Variants in DOK6 observed in about 807,000 individuals in gnomAD.
DOK6 encodes downstream of tyrosine kinase 6.
DOK6 carries 22 observed loss-of-function variants against 44.0 expected under a neutral mutation model. The observed-to-expected ratio is 0.50, with a 90% CI of 0.36 to 0.71. The LOEUF (loss-of-function observed/expected upper bound fraction) is 0.71. Ranked by LOEUF, DOK6 falls within the 30% of genes least tolerant of loss-of-function variation. The probability of loss-of-function intolerance (pLI) is 0.00; values close to 1 mark genes in which losing one functional copy is unlikely to be tolerated. For synonymous variants in DOK6, 166 were observed against 145.5 expected (o/e 1.14, Z -1.01); for missense variants, 340 against 416.4 (o/e 0.82, Z 1.60).
chr18:69,632,729 CAT>C (rs1446298045), intron 3 of DOK6, among the ~76,000 whole-genome samples: 1 of 152,158 alleles, frequency 6.6e-6, no homozygotes, highest in Admixed American at 6.5e-5. Flanking sequence ...TGTTCAAAAA[CAT>C]ATATTGATTT....
At chr18:69,479,291 G>T (rs1330228586) in intron 1 of DOK6, among the ~76,000 whole-genome samples, 1 of 152,042 alleles carries the variant, frequency 6.6e-6, no homozygotes, top group Non-Finnish European at 1.5e-5. Flanking sequence ...TCAAGGAAGG[G>T]TTCTTAGGTG....
intron 1 of DOK6, among the ~76,000 whole-genome samples, chr18:69,405,738 C>G (rs577392105): frequency 7.9e-5 from 12 of 152,276 alleles, no homozygotes; most frequent in African/African-American, 2.4e-4. Context: ...TTATATCTTG[C>G]ATGGCATGCA....
intron 1 of DOK6, among the ~76,000 whole-genome samples, chr18:69,505,483 C>T (rs1391860424): frequency 1.4e-5 from 2 of 145,448 alleles, no homozygotes; most frequent in East Asian, 2.1e-4. Context: ...TCCTGTCATA[C>T]TCCCATTCTT....
At chr18:69,506,937 A>G (rs1981206480) in intron 1 of DOK6, among the ~76,000 whole-genome samples, 1 of 151,958 alleles carries the variant, frequency 6.6e-6, no homozygotes, top group Non-Finnish European at 1.5e-5. Flanking sequence ...TTAAATATAT[A>G]TATTTTTGGA....
intron 5 of DOK6, among the ~76,000 whole-genome samples, chr18:69,723,802 G>A (rs1184814726): frequency 6.6e-6 from 1 of 152,102 alleles, no homozygotes; most frequent in Non-Finnish European, 1.5e-5. Flanking sequence ...TTTAGAGATG[G>A]GCAGCCACAG....
intron 1 of DOK6, among the ~76,000 whole-genome samples, chr18:69,555,160 C>G (rs1424412395): frequency 6.6e-6 from 1 of 151,952 alleles, no homozygotes; most frequent in Non-Finnish European, 1.5e-5. Flanking sequence ...TGTTTTGTGT[C>G]TTATTTTTCT....
rs71176987 is a variant in DOK6, at chr18:69,605,076, T to TTGTGTGTGTGTGTG, written c.289+5616_289+5629dup. The stretch of plus-strand genomic sequence containing the variant: ...GAGACCCCTGTTAGGAGAGATCCCT[T>TTGTGTGTGTGTGTG]TGTGTGTGTGTGTGTGTGTGTGTGT... On this transcript the variant is annotated intron_variant, in intron 3 of 7. Transcript: ENST00000382713. 1.6e-3 allele frequency among the ~76,000 whole-genome samples: 199 copies of TTGTGTGTGTGTGTG among 125,852 alleles called. 2 individuals carry two copies. Among genetic ancestry groups the TTGTGTGTGTGTGTG allele is most frequent in the African/African-American group, 4.4e-3 (147 of 33,320 alleles). 82.6% of individuals were successfully genotyped at this position (125,852 alleles called of 152,430 possible).
intron 7 of DOK6, among the ~76,000 whole-genome samples, chr18:69,821,139 A>G (rs868865927): frequency 6.6e-6 from 1 of 152,192 alleles, no homozygotes; most frequent in Non-Finnish European, 1.5e-5. Context: ...CATGCTATGA[A>G]AATTGTATAT....
intron 3 of DOK6, among the ~76,000 whole-genome samples, chr18:69,638,921 T>C (rs1353837143): frequency 6.6e-6 from 1 of 152,230 alleles, no homozygotes; most frequent in Non-Finnish European, 1.5e-5. Flanking sequence ...AATATTAACA[T>C]GATGTTGTAC....
At chr18:69,557,318 C>T (rs1011138569) in intron 1 of DOK6, among the ~76,000 whole-genome samples, 2 of 152,226 alleles carry the variant, frequency 1.3e-5, no homozygotes, top group Middle Eastern at 3.4e-3. Flanking sequence ...ATAAAACAGG[C>T]CCATTAAATC....
chr18:69,765,438 G>T (rs943527270), intron 7 of DOK6, among the ~76,000 whole-genome samples: 2 of 152,144 alleles, frequency 1.3e-5, no homozygotes, highest in African/African-American at 4.8e-5. Flanking sequence ...AATTTTTAGA[G>T]ATAAATGAAT....
chr18:69,657,209 G>A lies in DOK6; in HGVS notation c.290-20525G>A, dbSNP rs73973528. Among the ~76,000 whole-genome samples, 698 of 152,334 alleles carry A rather than the reference G, an allele frequency of 4.6e-3. 4 individuals are homozygous for A. The highest frequency in any genetic ancestry group is 0.016 in the African/African-American group (650 of 41,572). On this transcript the variant is annotated intron_variant, in intron 3 of 7. Coordinates refer to ENST00000382713, the MANE Select transcript of DOK6 (RefSeq NM_152721.6). ...AAAGGATGGGAAGGATGACTGCGAT[G>A]TGTTGGGTTGGATTATTGTTCCTCA...
chr18:69,401,448 T>G, intron 1 of DOK6, 138 bp downstream of exon 1: 2 of 1,065,018 alleles, frequency 1.9e-6, no homozygotes, highest in African/African-American at 1.7e-5. Context: ...GGCCCGCTTG[T>G]TGCTTGGCCA....
At chr18:69,645,503 G>C (rs1277964756) in intron 3 of DOK6, among the ~76,000 whole-genome samples, 2 of 152,038 alleles carry the variant, frequency 1.3e-5, no homozygotes, top group East Asian at 3.9e-4. Flanking sequence ...TGATTTTAAG[G>C]GAGTAAGCTC....
intron 7 of DOK6, among the ~76,000 whole-genome samples, chr18:69,829,382 A>G (rs954497795): frequency 1.3e-5 from 2 of 152,072 alleles, no homozygotes; most frequent in South Asian, 2.1e-4. Context: ...ACCATTATGT[A>G]CTAACTCATT....
chr18:69,775,789 A>G (rs763071221), intron 7 of DOK6, among the ~76,000 whole-genome samples: 34 of 152,018 alleles, frequency 2.2e-4, no homozygotes, highest in Non-Finnish European at 4.0e-4. Flanking sequence ...GTGCGTTTCT[A>G]ACAGAAAACA....
At chr18:69,404,412 G>A (rs1177400235) in intron 1 of DOK6, among the ~76,000 whole-genome samples, 1 of 152,094 alleles carries the variant, frequency 6.6e-6, no homozygotes, top group African/African-American at 2.4e-5. Context: ...GTCAGTTTTT[G>A]GTTTGCAGCC....
intron 2 of DOK6, among the ~76,000 whole-genome samples, chr18:69,575,020 C>T (rs1263083067): frequency 6.6e-6 from 1 of 152,064 alleles, no homozygotes; most frequent in Non-Finnish European, 1.5e-5. Flanking sequence ...ACAGTGTACA[C>T]CCTTCAGGCC....
rs371359960 is a variant in DOK6, at chr18:69,824,782, TG to T, written c.857-16460del. On this transcript the variant is annotated intron_variant, in intron 7 of 7. Coordinates refer to ENST00000382713, the MANE Select transcript of DOK6 (RefSeq NM_152721.6). ...CCAAATGGTATTTATTAAAGGAGAT[TG>T]GTACCGCCCTGTCCTGAGAAAGCCA... 3.8e-3 allele frequency among the ~76,000 whole-genome samples: 575 copies of T among 152,352 alleles called. 3 individuals carry two copies. Among genetic ancestry groups the T allele is most frequent in the African/African-American group, 0.013 (556 of 41,588 alleles).
Sources: allele counts gnomAD v4.1 joint callset (sites outside exome capture counted in the v4.1 genomes callset), GRCh38; gene constraint gnomAD v4.1.1; transcripts MANE v1.5; gene names NCBI Gene and HGNC (gene_info 2026-07-23, HGNC 2026-07-21).